The following ATRN variants were observed in gnomAD, a reference collection of about 807,000 sequenced individuals.
The protein encoded by ATRN is attractin.
ATRN carries 54 observed loss-of-function variants against 178.7 expected under a neutral mutation model. The observed-to-expected ratio is 0.30, with a 90% CI of 0.24 to 0.38. The LOEUF (loss-of-function observed/expected upper bound fraction) is 0.38. Among genes scored for constraint, ATRN ranks in the 10% least tolerant of loss-of-function variants. ATRN has a pLI of 1.00. For synonymous variants in ATRN, 636 were observed against 663.0 expected (o/e 0.96, Z 0.63); for missense variants, 1,443 against 1,815.1 (o/e 0.79, Z 3.73).
Position 3,590,728 on chromosome 20 carries a change from A to G in ATRN, c.3185-441A>G, listed in dbSNP as rs980022864. Among the ~76,000 whole-genome samples the G allele has an allele frequency of 3.2e-4, 49 of 152,186 alleles. 1 individual carries two copies. Among genetic ancestry groups the G allele is most frequent in the Admixed American group, 7.9e-4 (12 of 15,278 alleles). ...GAAATAAGGTGGTAAAATAGTTGTG[A>G]TCTAAGTTAAGAAAGGTGAATATTA... On this transcript the variant is annotated intron_variant, in intron 18 of 28. Transcript: ENST00000262919.
chr20:3,486,081 T>A (rs1027873119), intron 1 of ATRN, among the ~76,000 whole-genome samples: 1 of 152,376 alleles, frequency 6.6e-6, no homozygotes, highest in African/African-American at 2.4e-5. Context: ...TTTTCCAATG[T>A]CTTCTGATTT....
chr20:3,580,738 G>A (rs1462078046), intron 15 of ATRN, among the ~76,000 whole-genome samples: 3 of 152,192 alleles, frequency 2.0e-5, no homozygotes, highest in Non-Finnish European at 2.9e-5. Context: ...CTGCAGGCTG[G>A]ATGGGAGGGG....
chr20:3,547,774 G>C (rs2085727672), intron 5 of ATRN, among the ~76,000 whole-genome samples: 1 of 152,154 alleles, frequency 6.6e-6, no homozygotes, highest in African/African-American at 2.4e-5. Flanking sequence ...AGAGAGCCAA[G>C]CTGGGAGATG....
Position 3,638,857 on chromosome 20 carries a change from C to G in ATRN, c.3972C>G (p.Ala1324=). The change falls in exon 27 of 29, where the codon GCC becomes GCG. Residue 1324 remains alanine, a synonymous_variant. Coordinates refer to ENST00000262919, the MANE Select transcript of ATRN (RefSeq NM_139321.3). The surrounding 1 kb of genome is among the most constrained non-coding windows in gnomAD (Gnocchi z 4.5). ...TTCTTCGAGAGATGCAACAGATGGCCAGCCGTCCCTTTGCCTCTGTAAATG... is the reference window on the plus strand; with the variant it reads ...TTCTTCGAGAGATGCAACAGATGGCGAGCCGTCCCTTTGCCTCTGTAAATG... ...EQLLREMQQM[A]SRPFASVNVA... is the part of the protein sequence containing the mutation. 6.2e-7 allele frequency: 1 copy of G among 1,614,138 alleles called. No homozygotes were observed. The highest frequency in any genetic ancestry group is 1.1e-5 in the South Asian group (1 of 91,076).
At chr20:3,573,036 CT>C (rs1938491979) in intron 12 of ATRN, 85 bp downstream of exon 12, 1 of 1,207,090 alleles carries the variant, frequency 8.3e-7, no homozygotes, top group Non-Finnish European at 1.2e-6. Flanking sequence ...CATATGTATA[CT>C]TTTTATGTTT....
Position 3,589,914 on chromosome 20 carries a change from C to A in ATRN, c.3185-1255C>A, listed in dbSNP as rs564298368. ...GGTAGGGCCACCTAAAGATAGCTGG[C>A]ACATTGCCTTGAGTTTTCTTTCATT... is the stretch of plus-strand genomic sequence containing the variant. On this transcript the variant is annotated intron_variant, in intron 18 of 28. Transcript: ENST00000262919. Among the ~76,000 whole-genome samples, 4 of 152,314 alleles carry A rather than the reference C, an allele frequency of 2.6e-5. No homozygotes were observed. In the East Asian group the frequency reaches 7.7e-4, roughly 29 times the overall value.
chr20:3,581,939 A>G (rs890289474), intron 15 of ATRN, among the ~76,000 whole-genome samples, 196 bp from the exon 16 acceptor site: 1 of 152,098 alleles, frequency 6.6e-6, no homozygotes, highest in Admixed American at 6.5e-5. Context: ...TGTTTTGGTC[A>G]AGATGTTGGT....
chr20:3,563,330 T>A lies in ATRN; in HGVS notation c.1753T>A (p.Cys585Ser). Reference protein sequence around the residue: ...NDTSMSHGAKCFSSDFMAYDI... With the variant: ...NDTSMSHGAKSFSSDFMAYDI... The stretch of plus-strand genomic sequence containing the variant: ...CACATCTATGAGCCATGGCGCCAAA[T>A]GCTTCTCTTCAGATTTCATGGCCTA... The change falls in exon 10 of 29, where the codon TGC becomes AGC. Residue 585 changes from cysteine (C) to serine (S), a missense_variant. Physicochemically the swap from Cys to Ser is moderately radical, Grantham distance 112. Coordinates refer to ENST00000262919, the MANE Select transcript of ATRN (RefSeq NM_139321.3). The A allele has an allele frequency of 6.2e-7, 1 of 1,614,116 alleles. No individual in the cohort carries two copies. The highest frequency in any genetic ancestry group is 8.5e-7 in the Non-Finnish European group (1 of 1,179,984).
intron 27 of ATRN, among the ~76,000 whole-genome samples, chr20:3,640,312 A>T (rs547290503): frequency 6.6e-6 from 1 of 152,254 alleles, no homozygotes; most frequent in African/African-American, 2.4e-5. Context: ...AGTACGCAGA[A>T]TGCAGCTCAG....
chr20:3,630,916 CTTTTTTTTTTTTTTTTTTTTTTTT>C (rs368394749), intron 25 of ATRN, among the ~76,000 whole-genome samples: 612 of 43,416 alleles, frequency 0.014, 30 homozygotes, highest in African/African-American at 0.052. Flanking sequence ...ATTTATTTAG[CTTTTTTTTTTTTTTTTTTTTTTTT>C]TTTTTTTTTT....
chr20:3,513,050 C>T (rs1042312688), intron 1 of ATRN, among the ~76,000 whole-genome samples: 11 of 152,238 alleles, frequency 7.2e-5, no homozygotes, highest in East Asian at 3.9e-4. Flanking sequence ...TTCTCCCATT[C>T]TGTAGGTTTC....
rs1600176134 is a variant in ATRN, at chr20:3,644,674, C to G, written c.4165+406C>G. Among the ~76,000 whole-genome samples the G allele has an allele frequency of 2.0e-5, 3 of 152,320 alleles. No homozygotes were observed. In the South Asian group the frequency reaches 6.2e-4, roughly 32 times the overall value. On this transcript the variant is annotated intron_variant, in intron 28 of 28. Transcript: ENST00000262919. ...GCATGTTCTTCCTCAGTTGCCTTCTCCACTCCACAACTTCCAGCCATCTCC... is the reference window on the plus strand; with the variant it reads ...GCATGTTCTTCCTCAGTTGCCTTCTGCACTCCACAACTTCCAGCCATCTCC...
At chr20:3,569,859 C>T (rs917399575) in intron 11 of ATRN, among the ~76,000 whole-genome samples, 1 of 152,072 alleles carries the variant, frequency 6.6e-6, no homozygotes, top group Non-Finnish European at 1.5e-5. Context: ...TTGCTTGAGT[C>T]CAGGAGTTCA....
intron 7 of ATRN, among the ~76,000 whole-genome samples, 154 bp from the exon 8 acceptor site, chr20:3,560,508 A>G (rs1025232464): frequency 2.6e-5 from 4 of 152,176 alleles, no homozygotes; most frequent in African/African-American, 7.2e-5. Flanking sequence ...ATATATACCC[A>G]GTATCGAAAT....
Position 3,547,473 on chromosome 20 carries a change from C to T in ATRN, c.927C>T (p.Cys309=). The change falls in exon 5 of 29, where the codon TGC becomes TGT. Residue 309 remains cysteine (C), a synonymous_variant. Transcript: ENST00000262919. ...CNSSDVRGCS[C]FSDWQGPGCS... is the part of the protein sequence containing the mutation. Reference sequence around the variant, plus strand: ...CAAGTGATGTCAGAGGATGCTCCTGCTTCTCAGACTGGCAGGGTAGGAGCT... The same window carrying T: ...CAAGTGATGTCAGAGGATGCTCCTGTTTCTCAGACTGGCAGGGTAGGAGCT... The T allele has an allele frequency of 6.2e-7, 1 of 1,613,538 alleles. No homozygotes were observed. Among genetic ancestry groups the T allele is most frequent in the Non-Finnish European group, 8.5e-7 (1 of 1,179,476 alleles).
intron 23 of ATRN, among the ~76,000 whole-genome samples, chr20:3,602,961 CTCAAAAAAAAA>C (rs2086630545): frequency 2.4e-5 from 1 of 41,910 alleles, no homozygotes; most frequent in East Asian, 6.5e-4. Flanking sequence ...GAAATTCCAT[CTCAAAAAAAAA>C]AAAAAAAAAA....
chr20:3,473,888 A>T (rs961397792), intron 1 of ATRN, among the ~76,000 whole-genome samples: 1 of 152,148 alleles, frequency 6.6e-6, no homozygotes, highest in African/African-American at 2.4e-5. Context: ...TGAAATGGAC[A>T]AGTCTTCCGT....
intron 23 of ATRN, among the ~76,000 whole-genome samples, chr20:3,602,163 C>G (rs1335669357): frequency 1.3e-5 from 2 of 151,852 alleles, no homozygotes; most frequent in Non-Finnish European, 2.9e-5. Context: ...AACCCTGTCT[C>G]TACTAAAAAT....
At chr20:3,563,745 T>G (rs1186021321) in intron 10 of ATRN, among the ~76,000 whole-genome samples, 1 of 152,200 alleles carries the variant, frequency 6.6e-6, no homozygotes, top group Non-Finnish European at 1.5e-5. Context: ...ATGGTCTTGG[T>G]GTGGCAATAT....
Sources: gnomAD v4.1 joint callset for allele counts (sites outside exome capture counted in the v4.1 genomes callset) on GRCh38, gnomAD v4.1.1 for gene constraint, Gnocchi (gnomAD v3.1) non-coding constraint, MANE v1.5 for transcripts, NCBI Gene and HGNC (gene_info 2026-07-23, HGNC 2026-07-21) for gene names.